Variants in MAML2 observed in about 807,000 individuals in gnomAD.
The protein encoded by MAML2 is mastermind-like protein 2.
MAML2 carries 22 observed loss-of-function variants against 96.1 expected under a neutral mutation model. The ratio of observed to expected loss-of-function variants is 0.23; its 90% CI spans 0.16 to 0.33. MAML2 has a LOEUF of 0.33. MAML2 is among the 10% of genes least tolerant of loss of function. The probability of loss-of-function intolerance (pLI) is 1.00; values close to 1 mark genes in which losing one functional copy is unlikely to be tolerated. For missense variants in MAML2, 1,367 were observed against 1,392.4 expected (o/e 0.98, Z 0.29); for synonymous variants, 561 against 521.3 (o/e 1.08, Z -1.04).
At chr11:96,123,025 A>G (rs1382994910) in intron 1 of MAML2, among the ~76,000 whole-genome samples, 1 of 152,206 alleles carries the variant, frequency 6.6e-6, no homozygotes, top group East Asian at 1.9e-4. Context: ...AAACCATTCA[A>G]TGCTGAGAGT....
At chr11:96,107,377 C>T (rs1244264517) in intron 1 of MAML2, among the ~76,000 whole-genome samples, 1 of 152,112 alleles carries the variant, frequency 6.6e-6, no homozygotes, top group Non-Finnish European at 1.5e-5. Flanking sequence ...AGTTCCAATT[C>T]AGTGGTTGTA....
chr11:96,098,804 T>C (rs1859876011), intron 1 of MAML2, among the ~76,000 whole-genome samples: 1 of 152,154 alleles, frequency 6.6e-6, no homozygotes, highest in African/African-American at 2.4e-5. Context: ...ACAAGGAAAA[T>C]CCTGCACAGC....
rs1325131864 is a variant in MAML2 at position 96,124,138 on chromosome 11, C to T, written c.514-30621G>A. ...AAAAAGGAGTAAACCCAGCAGGTGT[C>T]GTGATTTAGAAATGGCTGTCACAGT... On this transcript the variant is annotated intron_variant, in intron 1 of 4. Transcript: ENST00000524717. 8.1e-5 allele frequency among the ~76,000 whole-genome samples: 12 copies of T among 149,040 alleles called. No individual in the cohort carries two copies. In the East Asian group the frequency reaches 2.4e-3, roughly 29 times the overall value.
intron 1 of MAML2, among the ~76,000 whole-genome samples, chr11:96,334,244 C>T (rs768096151): frequency 7.9e-5 from 12 of 152,200 alleles, no homozygotes; most frequent in South Asian, 2.1e-4. Flanking sequence ...ACTGGAAACA[C>T]AATTCTGGGC....
Position 96,093,335 on chromosome 11 carries a change from G to T in MAML2, c.696C>A (p.Thr232=). Residue 232 remains threonine (T), a synonymous_variant, in exon 2 of 5, where the codon ACC becomes ACA. Transcript: ENST00000524717. ...NNGQSQIMSG[T]LPMSQAPLRK... ...GCAGGGGTGCTTGGCTCATAGGCAA[G>T]GTCCCTGACATAATCTGACTTTGTC... 2 of 1,613,988 alleles carry T rather than the reference G, an allele frequency of 1.2e-6. No individual in the cohort carries two copies. Among genetic ancestry groups the T allele is most frequent in the Non-Finnish European group, 1.7e-6 (2 of 1,179,904 alleles).
At chr11:96,271,535 A>T (rs985475852) in intron 1 of MAML2, among the ~76,000 whole-genome samples, 1 of 152,146 alleles carries the variant, frequency 6.6e-6, no homozygotes. Context: ...AGTTACCTCC[A>T]TGCTGTTCTC....
intron 1 of MAML2, among the ~76,000 whole-genome samples, chr11:96,230,492 T>A (rs1565256282): frequency 6.6e-6 from 1 of 152,218 alleles, no homozygotes; most frequent in East Asian, 1.9e-4. Flanking sequence ...AACAAGGTTG[T>A]AACTTAACTA....
At chr11:96,243,322 G>A (rs1199659712) in intron 1 of MAML2, among the ~76,000 whole-genome samples, 1 of 152,110 alleles carries the variant, frequency 6.6e-6, no homozygotes, top group Non-Finnish European at 1.5e-5. Context: ...GCAAGGAGGC[G>A]GGGGAGGCGG....
chr11:96,127,532 T>C (rs1424104433), intron 1 of MAML2, among the ~76,000 whole-genome samples: 1 of 152,208 alleles, frequency 6.6e-6, no homozygotes, highest in East Asian at 1.9e-4. Flanking sequence ...ATGAAATTAT[T>C]AAAAGAGTAG....
intron 1 of MAML2, among the ~76,000 whole-genome samples, chr11:96,330,741 A>G (rs890454418): frequency 6.6e-5 from 10 of 152,180 alleles, no homozygotes; most frequent in Non-Finnish European, 1.0e-4. Flanking sequence ...TCATCTCCCA[A>G]TTAGCTAGAC....
intron 1 of MAML2, among the ~76,000 whole-genome samples, chr11:96,251,994 A>C (rs996610175): frequency 3.3e-5 from 5 of 152,118 alleles, no homozygotes; most frequent in African/African-American, 1.2e-4. Context: ...AGCCTCCCAA[A>C]GTGCTGGGAT....
At chr11:96,314,883 A>C (rs1421548057) in intron 1 of MAML2, among the ~76,000 whole-genome samples, 1 of 152,202 alleles carries the variant, frequency 6.6e-6, no homozygotes, top group South Asian at 2.1e-4. Flanking sequence ...GCCAGAGGAC[A>C]GACAAAGTCA....
intron 2 of MAML2, among the ~76,000 whole-genome samples, chr11:96,075,943 C>T (rs1036264356): frequency 6.6e-6 from 1 of 152,228 alleles, no homozygotes; most frequent in African/African-American, 2.4e-5. Flanking sequence ...CATTCTCATG[C>T]TTCCCCAAAC....
intron 1 of MAML2, among the ~76,000 whole-genome samples, chr11:96,231,075 AGATTT>A (rs1296030059): frequency 6.6e-6 from 1 of 152,240 alleles, no homozygotes; most frequent in Non-Finnish European, 1.5e-5. Context: ...AAAGAGGTCA[AGATTT>A]GAATAATCTG....
intron 2 of MAML2, among the ~76,000 whole-genome samples, chr11:96,006,417 G>T (rs549166763): frequency 2.0e-5 from 3 of 152,174 alleles, no homozygotes; most frequent in Admixed American, 2.0e-4. Flanking sequence ...TTTTTGGTCT[G>T]ATTATTTTGT....
chr11:96,076,661 A>C (rs768053865), intron 2 of MAML2, among the ~76,000 whole-genome samples: 1 of 152,172 alleles, frequency 6.6e-6, no homozygotes, highest in African/African-American at 2.4e-5. Context: ...GCTTCACTAC[A>C]GAATATGTAC....
At chr11:96,003,098 A>G (rs537448258) in intron 2 of MAML2, among the ~76,000 whole-genome samples, 53 of 147,826 alleles carry the variant, frequency 3.6e-4, no homozygotes, top group African/African-American at 1.3e-3. Flanking sequence ...GGGGATGATG[A>G]GGATGATGGG....
intron 1 of MAML2, among the ~76,000 whole-genome samples, chr11:96,178,691 CT>C (rs1356043508): frequency 2.0e-5 from 3 of 152,302 alleles, no homozygotes; most frequent in Admixed American, 2.0e-4. Flanking sequence ...ACATACGCAG[CT>C]GCAGCACAAT....
At chr11:96,189,067 TTG>T (rs142579276) in intron 1 of MAML2, among the ~76,000 whole-genome samples, 27,279 of 150,306 alleles carry the variant, frequency 0.18, 2,488 homozygotes, top group Middle Eastern at 0.24. Context: ...AGAAACTGTT[TTG>T]TTTTTTTTTT....
Sources: allele counts gnomAD v4.1 joint callset (sites outside exome capture counted in the v4.1 genomes callset), GRCh38; gene constraint gnomAD v4.1.1; transcripts MANE v1.5; gene names NCBI Gene and HGNC (gene_info 2026-07-23, HGNC 2026-07-21).